Variants in SLC23A2 observed in about 807,000 individuals in gnomAD.
The protein encoded by SLC23A2 is Na(+)/L-ascorbic acid transporter 2.
A neutral mutation model predicts 73.3 loss-of-function variants in SLC23A2; 36 were observed. That is an observed-to-expected ratio of 0.49 (90% CI 0.38 to 0.65). The LOEUF (loss-of-function observed/expected upper bound fraction) is 0.65, where lower values mean the gene tolerates loss of function less well. Among genes scored for constraint, SLC23A2 ranks in the 30% least tolerant of loss-of-function variants. The pLI, the probability that SLC23A2 is intolerant of heterozygous loss-of-function variation, is 0.00. For missense variants in SLC23A2, 507 were observed against 841.6 expected (o/e 0.60, Z 4.92); for synonymous variants, 343 against 327.3 (o/e 1.05, Z -0.52).
At chr20:4,878,509 A>G (rs952887218) in intron 9 of SLC23A2, among the ~76,000 whole-genome samples, 9 of 152,282 alleles carry the variant, frequency 5.9e-5, no homozygotes, top group African/African-American at 2.2e-4. Flanking sequence ...GTGGTTTCTG[A>G]CGTTTTAAAT....
At chr20:5,002,810 A>G (rs2122387979), upstream of SLC23A2, among the ~76,000 whole-genome samples, 1 of 152,314 alleles carries the variant, frequency 6.6e-6, no homozygotes, top group East Asian at 1.9e-4. Flanking sequence ...AGGCTGCAGC[A>G]TCAACCTTCC....
chr20:4,910,161 T>A (rs893268363), intron 4 of SLC23A2, among the ~76,000 whole-genome samples: 2 of 151,792 alleles, frequency 1.3e-5, no homozygotes, highest in Non-Finnish European at 2.9e-5. Flanking sequence ...TCACCTGAGG[T>A]CAGGAGTTTG....
chr20:4,857,879 T>C lies in SLC23A2; in HGVS notation c.1721-675A>G, dbSNP rs6037993. On this transcript the variant is annotated intron_variant, in intron 16 of 16. Transcript: ENST00000338244. This position sits in a 1 kb window ranked among gnomAD's most constrained non-coding sequence, Gnocchi z 4.0. ...CCGAGAGGCAGAGACTGCAGTGAGC[T>C]GAGATCATGCCATTGCACTCTAGCC... Among the ~76,000 whole-genome samples the C allele has an allele frequency of 0.11, 16,006 of 152,128 alleles. 1,037 individuals carry two copies. The highest frequency in any genetic ancestry group is 0.16 in the African/African-American group (6,794 of 41,470).
chr20:4,897,536 C>T (rs1931584876), intron 6 of SLC23A2, among the ~76,000 whole-genome samples: 1 of 152,228 alleles, frequency 6.6e-6, no homozygotes, highest in Non-Finnish European at 1.5e-5. Flanking sequence ...TTTTGGGTCC[C>T]TGAGCCATCC....
At chr20:4,971,489 A>G (rs2087559851) in intron 1 of SLC23A2, among the ~76,000 whole-genome samples, 1 of 151,672 alleles carries the variant, frequency 6.6e-6, no homozygotes, top group Admixed American at 6.6e-5. Context: ...TCAAAAATAA[A>G]TAAATAAATA....
At chr20:4,961,365 A>G (rs972495344) in intron 2 of SLC23A2, among the ~76,000 whole-genome samples, 3 of 152,150 alleles carry the variant, frequency 2.0e-5, no homozygotes, top group African/African-American at 4.8e-5. Context: ...TACAGGCGTG[A>G]GCCACCACGC....
At position 4,898,614 on chromosome 20, in the gene SLC23A2, G is replaced by T. The variant is rs73893858; in HGVS notation, c.482+941C>A. Among the ~76,000 whole-genome samples the T allele has an allele frequency of 3.9e-3, 588 of 152,338 alleles. 3 individuals are homozygous for T. Among genetic ancestry groups the T allele is most frequent in the African/African-American group, 0.012 (500 of 41,594 alleles). On this transcript the variant is annotated intron_variant, in intron 6 of 16. Transcript: ENST00000338244. ...CTGGGGTAAAGCAAGAGGCTGCACTGCGAAGAGGGGAGAGGAGCAGGAAAG... is the reference window on the plus strand; with the variant it reads ...CTGGGGTAAAGCAAGAGGCTGCACTTCGAAGAGGGGAGAGGAGCAGGAAAG...
At chr20:4,995,633 T>C (rs1030019960) in intron 1 of SLC23A2, among the ~76,000 whole-genome samples, 1 of 152,180 alleles carries the variant, frequency 6.6e-6, no homozygotes, top group African/African-American at 2.4e-5. Flanking sequence ...CCCTACTTTC[T>C]ATCCCAAGTC....
rs1275721268 is a variant in SLC23A2 at position 4,902,679 on chromosome 20, G to C, written c.208-121C>G. On this transcript the variant is annotated intron_variant, in intron 4 of 16. Coordinates refer to ENST00000338244, the MANE Select transcript of SLC23A2 (RefSeq NM_005116.6). The surrounding 1 kb of genome is among the most constrained non-coding windows in gnomAD (Gnocchi z 4.0). ...ATCAAGTGGTTGCCATCTTCCTGCA[G>C]TTTTGAGCCTTGGCTATCTTTGAAG... The C allele has an allele frequency of 1.8e-6, 1 of 567,666 alleles. No homozygotes were observed. The highest frequency in any genetic ancestry group is 3.1e-6 in the Non-Finnish European group (1 of 318,140). The allele number at this position is 567,666 out of a possible 1,614,324, so 35.2% of individuals were successfully genotyped here. A position where few individuals can be genotyped will look rare whatever the true frequency, so the allele number is the denominator to read the frequency against.
rs1488313439 is a variant in SLC23A2, at chr20:4,899,730, G to A, written c.325-18C>T. ...AGGTAGTGCTGTGGGCAGGAAAAGG[G>A]TCAGAGGAGAAACAGTAAACCCTTC... On this transcript the variant is annotated intron_variant, in intron 5 of 16. Coordinates refer to ENST00000338244, the MANE Select transcript of SLC23A2 (RefSeq NM_005116.6). This position sits in a 1 kb window ranked among gnomAD's most constrained non-coding sequence, Gnocchi z 4.9. 2 of 1,613,058 alleles carry A rather than the reference G, an allele frequency of 1.2e-6. No individual in the cohort carries two copies. The highest frequency in any genetic ancestry group is 1.7e-6 in the Non-Finnish European group (2 of 1,179,130).
At chr20:4,967,501 A>G (rs536285174) in intron 2 of SLC23A2, among the ~76,000 whole-genome samples, 39 of 152,326 alleles carry the variant, frequency 2.6e-4, no homozygotes, top group African/African-American at 9.1e-4. Context: ...TGTAATCACC[A>G]TCAGTGTTTA....
chr20:5,004,274 G>C (rs2088165887), upstream of SLC23A2, among the ~76,000 whole-genome samples: 1 of 152,122 alleles, frequency 6.6e-6, no homozygotes, highest in Non-Finnish European at 1.5e-5. Context: ...TTTGCTACCA[G>C]AAACTTCAAA....
intron 1 of SLC23A2, among the ~76,000 whole-genome samples, chr20:4,993,353 A>G (rs1431405496): frequency 1.3e-5 from 2 of 151,206 alleles, no homozygotes; most frequent in East Asian, 3.9e-4. Flanking sequence ...TCTGAATTTC[A>G]GATTAAAAAA....
chr20:5,001,711 C>G (rs1380536854), upstream of SLC23A2, among the ~76,000 whole-genome samples: 2 of 151,720 alleles, frequency 1.3e-5, no homozygotes, highest in African/African-American at 4.8e-5. Context: ...CTTTCATTTC[C>G]CTCCCCTGCG....
rs912857440 is a variant in SLC23A2, at chr20:4,998,312, A to T, written c.-282+3094T>A. On this transcript the variant is annotated intron_variant, in intron 1 of 16. Transcript: ENST00000338244. This position sits in a 1 kb window ranked among gnomAD's most constrained non-coding sequence, Gnocchi z 4.1. ...ATCCCAAGCACCAAGAATATTACCC[A>T]GCACAGATCAGGCACTCAATGTAAT... Among the ~76,000 whole-genome samples, 2 of 152,178 alleles carry T rather than the reference A, an allele frequency of 1.3e-5. No individual in the cohort carries two copies. The highest frequency in any genetic ancestry group is 2.4e-5 in the African/African-American group (1 of 41,450).
intron 2 of SLC23A2, among the ~76,000 whole-genome samples, chr20:4,944,187 C>T (rs115190919): frequency 0.018 from 2,702 of 152,182 alleles, 83 homozygotes; most frequent in African/African-American, 0.062. Context: ...AAAATGTCCC[C>T]TCCTCATATT....
At chr20:5,003,483 C>G (rs1267460433), upstream of SLC23A2, among the ~76,000 whole-genome samples, 1 of 151,998 alleles carries the variant, frequency 6.6e-6, no homozygotes, top group Admixed American at 6.6e-5. Context: ...TCATTCTACA[C>G]CAGTGAGAGC....
At chr20:4,964,890 G>A (rs2087450533) in intron 2 of SLC23A2, among the ~76,000 whole-genome samples, 2 of 128,754 alleles carry the variant, frequency 1.6e-5, no homozygotes, top group Non-Finnish European at 1.7e-5. Flanking sequence ...AGAAGAGAAG[G>A]GAAAAGAAGA....
At chr20:4,968,083 T>C in intron 2 of SLC23A2, among the ~76,000 whole-genome samples, 1 of 152,172 alleles carries the variant, frequency 6.6e-6, no homozygotes, top group East Asian at 1.9e-4. Context: ...AGATACATTA[T>C]GCTGAGGCTC....
Sources: gnomAD v4.1 joint callset for allele counts (sites outside exome capture counted in the v4.1 genomes callset) on GRCh38, gnomAD v4.1.1 for gene constraint, Gnocchi (gnomAD v3.1) non-coding constraint, MANE v1.5 for transcripts, NCBI Gene and HGNC (gene_info 2026-07-23, HGNC 2026-07-21) for gene names.